The following ELK3 variants were observed in gnomAD, a reference collection of about 807,000 sequenced individuals.
ELK3 encodes ETS transcription factor ELK3, also known as ETS domain-containing protein Elk-3.
A neutral mutation model predicts 28.9 loss-of-function variants in ELK3; 10 were observed. The observed-to-expected ratio is 0.35, with a 90% confidence interval of 0.21 to 0.59. ELK3 has a LOEUF of 0.59. Ranked by LOEUF, ELK3 falls within the 20% of genes least tolerant of loss-of-function variation. ELK3 has a pLI of 0.82. For missense variants in ELK3, 463 were observed against 517.3 expected (o/e 0.90, Z 1.02); for synonymous variants, 272 against 243.5 (o/e 1.12, Z -1.09).
In ELK3 at chr12:96,247,202, C is replaced by T; in HGVS notation, c.470C>T (p.Ala157Val). The T allele has an allele frequency of 6.2e-7, 1 of 1,614,204 alleles. No individual in the cohort carries two copies. Among genetic ancestry groups the T allele is most frequent in the Non-Finnish European group, 8.5e-7 (1 of 1,180,028 alleles). The change falls in exon 3 of 5, where the codon GCC (alanine) becomes GTC (valine). Residue 157 changes from alanine (A) to valine (V), a missense_variant. Transcript: ENST00000228741. This position sits in a 1 kb window ranked among gnomAD's most constrained non-coding sequence, Gnocchi z 5.5. The part of the protein sequence containing the change: ...TINSLQNPPD[A>V]FKAIKTEKLE... ...AATTCCCTGCAGAACCCACCAGACG[C>T]CTTCAAGGCCATCAAGACGGAGAAG...
chr12:96,251,978 G>C lies in ELK3; in HGVS notation c.1002+4244G>C, dbSNP rs1951910506. On this transcript the variant is annotated intron_variant, in intron 3 of 4. Coordinates refer to ENST00000228741, the MANE Select transcript of ELK3 (RefSeq NM_005230.4). ...CTGTAGGTGAAACGGCCTTCTACTG[G>C]AAGAAGATGCCATCTAGGACTTTCA... Among the ~76,000 whole-genome samples the C allele has an allele frequency of 2.0e-5, 3 of 152,240 alleles. No homozygotes were observed. In the South Asian group the frequency reaches 6.2e-4, roughly 31 times the overall value.
At chr12:96,263,819 T>G (rs1402847966) in intron 4 of ELK3, among the ~76,000 whole-genome samples, 2 of 152,168 alleles carry the variant, frequency 1.3e-5, no homozygotes, top group African/African-American at 4.8e-5. Flanking sequence ...CTGTGGGCCT[T>G]GAATATAGGC....
intron 4 of ELK3, among the ~76,000 whole-genome samples, chr12:96,263,463 G>C (rs932808167): frequency 7.9e-5 from 12 of 152,302 alleles, no homozygotes; most frequent in Non-Finnish European, 1.6e-4. Flanking sequence ...GGTATGTCTT[G>C]AAACAAGGTA....
chr12:96,238,762 T>C (rs886104889), intron 2 of ELK3, among the ~76,000 whole-genome samples: 3 of 152,180 alleles, frequency 2.0e-5, no homozygotes, highest in Admixed American at 1.3e-4. Flanking sequence ...TTACGGAAGA[T>C]TGGTCTCTTC....
intron 1 of ELK3, among the ~76,000 whole-genome samples, chr12:96,218,872 TCTC>T (rs1951641173): frequency 3.3e-5 from 5 of 152,054 alleles, no homozygotes. Context: ...ATGGTCTCGA[TCTC>T]CTGACCTTGT....
chr12:96,246,666 T>C (rs1951858062), intron 2 of ELK3, among the ~76,000 whole-genome samples: 2 of 151,948 alleles, frequency 1.3e-5, no homozygotes, highest in South Asian at 2.1e-4. Context: ...GTCTAAGAAA[T>C]CATCATCATC....
intron 3 of ELK3, among the ~76,000 whole-genome samples, chr12:96,248,820 C>G (rs553875020): frequency 3.3e-5 from 5 of 152,232 alleles, no homozygotes; most frequent in Non-Finnish European, 7.3e-5. Flanking sequence ...TCCACACTTA[C>G]AGCAGCCCTG....
In ELK3 at chr12:96,248,772, C is replaced by T. The variant is rs114418906; in HGVS notation, c.1002+1038C>T. Among the ~76,000 whole-genome samples the T allele has an allele frequency of 4.5e-3, 682 of 152,328 alleles. 5 individuals are homozygous for T. The highest frequency in any genetic ancestry group is 0.016 in the African/African-American group (646 of 41,576). Reference sequence around the variant, plus strand: ...CATATGACGGGCTCCCCACGTGTGCCAGGCACTGCTCCAGATGCTTTACAT... The same window carrying T: ...CATATGACGGGCTCCCCACGTGTGCTAGGCACTGCTCCAGATGCTTTACAT... On this transcript the variant is annotated intron_variant, in intron 3 of 4. Transcript: ENST00000228741.
chr12:96,255,852 T>C (rs776010490), intron 3 of ELK3, among the ~76,000 whole-genome samples: 23 of 152,188 alleles, frequency 1.5e-4, no homozygotes, highest in Non-Finnish European at 2.9e-4. Context: ...TAAGTCACCA[T>C]ATATAGGGTC....
chr12:96,232,119 C>G (rs973762560), intron 2 of ELK3, among the ~76,000 whole-genome samples: 1 of 152,162 alleles, frequency 6.6e-6, no homozygotes, highest in Non-Finnish European at 1.5e-5. Context: ...AAGAAGGGAA[C>G]AGTGTGAGTA....
At chr12:96,215,023 A>G (rs1481217436) in intron 1 of ELK3, among the ~76,000 whole-genome samples, 1 of 152,198 alleles carries the variant, frequency 6.6e-6, no homozygotes, top group Non-Finnish European at 1.5e-5. Context: ...TAACAAACGA[A>G]AAAAGACATG....
rs550728353 is a variant in ELK3 at position 96,252,368 on chromosome 12, A to C, written c.1002+4634A>C. ...AAGTCAAGGAGTAATTTTGACTTTC[A>C]AGTCTTATTACTTAATAAATACATT... On this transcript the variant is annotated intron_variant, in intron 3 of 4. Transcript: ENST00000228741. 1.2e-3 allele frequency among the ~76,000 whole-genome samples: 179 copies of C among 151,530 alleles called. 1 individual carries two copies. The highest frequency in any genetic ancestry group is 3.9e-3 in the African/African-American group (162 of 41,544).
At chr12:96,229,075 C>T (rs1217937614) in intron 2 of ELK3, among the ~76,000 whole-genome samples, 1 of 152,138 alleles carries the variant, frequency 6.6e-6, no homozygotes, top group South Asian at 2.1e-4. Context: ...TCTGGTACCT[C>T]GGACAGGGTC....
chr12:96,205,438 A>C (rs1951533331), intron 1 of ELK3, among the ~76,000 whole-genome samples: 1 of 152,150 alleles, frequency 6.6e-6, no homozygotes, highest in Non-Finnish European at 1.5e-5. Context: ...AGCCCCAGCT[A>C]CTGATCATTT....
At position 96,247,251 on chromosome 12, in the gene ELK3, C is replaced by A; in HGVS notation, c.519C>A (p.Ser173Arg). 6.2e-7 allele frequency: 1 copy of A among 1,614,020 alleles called. No individual in the cohort carries two copies. The stretch of plus-strand genomic sequence containing the variant: ...AGCTGGAGGAGCCGCCCGAAGACAG[C>A]CCCCCCGTGGAAGAAGTCAGGACTG... ...TEKLEEPPEDSPPVEEVRTVI... is the reference protein window; with the variant it reads ...TEKLEEPPEDRPPVEEVRTVI... The change falls in exon 3 of 5, where the codon AGC becomes AGA. Residue 173 changes from serine (S) to arginine (R), a missense_variant. Around this residue, in one of 2 missense-constraint regions of ELK3, gnomAD observed 408 missense variants for 414.8 expected, o/e 0.98. Transcript: ENST00000228741. The surrounding 1 kb of genome is among the most constrained non-coding windows in gnomAD (Gnocchi z 5.5).
intron 4 of ELK3, among the ~76,000 whole-genome samples, chr12:96,264,589 CA>C (rs1444577270): frequency 6.6e-6 from 1 of 152,018 alleles, no homozygotes; most frequent in African/African-American, 2.4e-5. Context: ...TCGAGACCAT[CA>C]GGGGCAACAT....
At chr12:96,239,853 T>C (rs973948232) in intron 2 of ELK3, among the ~76,000 whole-genome samples, 2 of 152,224 alleles carry the variant, frequency 1.3e-5, no homozygotes, top group African/African-American at 2.4e-5. Context: ...CCGGGAGCAG[T>C]TGAGATGAGC....
chr12:96,195,585 A>G (rs1011211695), intron 1 of ELK3, among the ~76,000 whole-genome samples: 1 of 152,182 alleles, frequency 6.6e-6, no homozygotes, highest in Admixed American at 6.5e-5. Context: ...TCCTAGGGAC[A>G]AGCTGCAGTT....
Position 96,267,120 on chromosome 12 carries a change from C to A in ELK3, c.1164C>A (p.Ile388=), listed in dbSNP as rs1180318813. The A allele has an allele frequency of 1.2e-6, 2 of 1,613,548 alleles. No individual in the cohort carries two copies. The highest frequency in any genetic ancestry group is 8.5e-7 in the Non-Finnish European group (1 of 1,179,828). ...TTAATGGCCACATGCCAGTGCCAAT[C>A]CCCAGTCTGGACAGAGCTGCTTCTC... ...TLLNGHMPVP[I]PSLDRAASPV... The change falls in exon 5 of 5, where the codon ATC becomes ATA. Residue 388 remains isoleucine, a synonymous_variant. Transcript: ENST00000228741.
Sources: allele counts gnomAD v4.1 joint callset (sites outside exome capture counted in the v4.1 genomes callset), GRCh38; gene constraint gnomAD v4.1.1; regional missense constraint gnomAD v4.1.1; non-coding constraint Gnocchi (gnomAD v3.1); transcripts MANE v1.5; gene names NCBI Gene and HGNC (gene_info 2026-07-23, HGNC 2026-07-21).